Variants in GPHN observed in about 807,000 individuals in gnomAD.
GPHN encodes the protein gephyrin.
In GPHN, 17 loss-of-function variants were observed where a neutral mutation model predicts 95.5. That is an observed-to-expected ratio of 0.18 (90% CI 0.12 to 0.27). The LOEUF (loss-of-function observed/expected upper bound fraction) is 0.27. GPHN is among the 10% of genes least tolerant of loss of function. The probability of loss-of-function intolerance (pLI) is 1.00; values close to 1 mark genes in which losing one functional copy is unlikely to be tolerated. For missense variants in GPHN, 660 were observed against 978.1 expected, an observed-to-expected ratio of 0.67 and a Z score of 4.34; for synonymous variants, 320 against 322.5, an observed-to-expected ratio of 0.99 and a Z score of 0.08.
chr14:67,001,474 C>G (rs1278236305), intron 9 of GPHN, among the ~76,000 whole-genome samples: 2 of 151,576 alleles, frequency 1.3e-5, no homozygotes, highest in African/African-American at 2.4e-5. Context: ...TAATATCAAA[C>G]TCAGTATGTC....
chr14:67,538,028 TA>T, the GPHN span, among the ~76,000 whole-genome samples: 1 of 152,182 alleles, frequency 6.6e-6, no homozygotes, highest in Non-Finnish European at 1.5e-5. Flanking sequence ...CAGCTGATCG[TA>T]ATTTTAGCGG....
At chr14:66,781,151 G>T (rs568229049) in intron 3 of GPHN, among the ~76,000 whole-genome samples, 2 of 151,856 alleles carry the variant, frequency 1.3e-5, no homozygotes, top group South Asian at 4.2e-4. Flanking sequence ...GCCACATAAA[G>T]AGTGAATAAA....
the GPHN span, among the ~76,000 whole-genome samples, chr14:67,636,261 CA>C: frequency 0.027 from 3,880 of 142,568 alleles, 143 homozygotes; most frequent in African/African-American, 0.08. Flanking sequence ...CTTATGCTGT[CA>C]AAAAAAAAAA....
chr14:66,883,880 A>G (rs1408934761), intron 5 of GPHN, among the ~76,000 whole-genome samples: 1 of 151,968 alleles, frequency 6.6e-6, no homozygotes, highest in African/African-American at 2.4e-5. Context: ...CTCAGGGATG[A>G]CCCTGGAACT....
chr14:66,524,504 A>G (rs2058608281), intron 1 of GPHN, among the ~76,000 whole-genome samples: 1 of 152,014 alleles, frequency 6.6e-6, no homozygotes, highest in Non-Finnish European at 1.5e-5. Context: ...TTTTTTAAAA[A>G]ATTATTATTA....
intron 13 of GPHN, among the ~76,000 whole-genome samples, chr14:67,109,771 T>TACA (rs2078263408): frequency 2.6e-5 from 4 of 152,232 alleles, no homozygotes; most frequent in Admixed American, 6.5e-5. Context: ...ATTCACAATG[T>TACA]ATGTCCTAGC....
chr14:67,651,373 C>G, the GPHN span: 3 of 1,613,584 alleles, frequency 1.9e-6, no homozygotes, highest in Non-Finnish European at 2.5e-6. Context: ...ACAAACCCTT[C>G]CCTATAGAAG....
intron 10 of GPHN, among the ~76,000 whole-genome samples, chr14:67,057,933 A>T (rs1402389766): frequency 6.6e-6 from 1 of 152,224 alleles, no homozygotes; most frequent in African/African-American, 2.4e-5. Flanking sequence ...AACCTATGTA[A>T]CTAAAAAGTA....
chr14:66,834,574 T>C (rs2061716380), intron 4 of GPHN, among the ~76,000 whole-genome samples: 1 of 151,638 alleles, frequency 6.6e-6, no homozygotes, highest in Non-Finnish European at 1.5e-5. Context: ...TTTGCGTATA[T>C]TGAACCAGCC....
chr14:66,808,559 G>C (rs1183337445), intron 3 of GPHN, among the ~76,000 whole-genome samples: 1 of 152,198 alleles, frequency 6.6e-6, no homozygotes, highest in Non-Finnish European at 1.5e-5. Flanking sequence ...CCAACACTTT[G>C]GGAGGCCGAG....
intron 2 of GPHN, among the ~76,000 whole-genome samples, chr14:66,725,848 A>G (rs2071185064): frequency 6.6e-6 from 1 of 152,236 alleles, no homozygotes; most frequent in Non-Finnish European, 1.5e-5. Flanking sequence ...GTCACAAGAT[A>G]GTCATGTATG....
chr14:66,958,693 A>G (rs899334921), intron 8 of GPHN, among the ~76,000 whole-genome samples: 1 of 152,196 alleles, frequency 6.6e-6, no homozygotes, highest in Non-Finnish European at 1.5e-5. Context: ...ATATAGTATT[A>G]TAATATTATG....
the GPHN span, among the ~76,000 whole-genome samples, chr14:67,558,595 A>T: frequency 6.6e-6 from 1 of 152,182 alleles, no homozygotes; most frequent in Non-Finnish European, 1.5e-5. Flanking sequence ...GGTCAGAAAA[A>T]AGGTCATTTT....
the GPHN span, among the ~76,000 whole-genome samples, chr14:67,687,466 C>CTTTTTTTTTT: frequency 8.6e-6 from 1 of 116,706 alleles, no homozygotes. Flanking sequence ...CCTCCATATT[C>CTTTTTTTTTT]CTTTTTTTTT....
At chr14:66,720,860 G>A (rs1951356) in intron 2 of GPHN, among the ~76,000 whole-genome samples, 47,239 of 151,972 alleles carry the variant, frequency 0.31, 11,153 homozygotes, top group African/African-American at 0.64. Context: ...GAGAGATGCT[G>A]TCTCTTTGTA....
At chr14:67,690,813 T>C in the GPHN span, 1 of 369,998 alleles carries the variant, frequency 2.7e-6, no homozygotes, top group African/African-American at 2.1e-5. Flanking sequence ...CAAGACCCTG[T>C]CTTTACAAAA....
chr14:67,556,298 A>C, the GPHN span, among the ~76,000 whole-genome samples: 1 of 152,176 alleles, frequency 6.6e-6, no homozygotes, highest in Non-Finnish European at 1.5e-5. Flanking sequence ...CAAGGAAAGA[A>C]AGCTGGATGT....
At chr14:67,071,677 A>G (rs1045254515) in intron 11 of GPHN, among the ~76,000 whole-genome samples, 1 of 151,868 alleles carries the variant, frequency 6.6e-6, no homozygotes, top group African/African-American at 2.4e-5. Context: ...CAGGCCTATA[A>G]CCTTGGCCTA....
chr14:67,178,944 A>G (rs1156359206), intron 21 of GPHN, among the ~76,000 whole-genome samples: 1 of 152,222 alleles, frequency 6.6e-6, no homozygotes, highest in Non-Finnish European at 1.5e-5. Flanking sequence ...AAAAATGCCA[A>G]CCAGAAATAC....
Sources: allele counts gnomAD v4.1 joint callset (sites outside exome capture counted in the v4.1 genomes callset), GRCh38; gene constraint gnomAD v4.1.1; transcripts MANE v1.5; gene names NCBI Gene and HGNC (gene_info 2026-07-23, HGNC 2026-07-21).